HERC5: variants seen among roughly 807,000 people sequenced by gnomAD.
HERC5 encodes the protein HECT and RLD domain containing E3 ubiquitin protein ligase 5.
Under a neutral mutation model 119.6 loss-of-function variants are expected in HERC5, and 99 were observed. The observed-to-expected ratio is 0.83, with a 90% CI of 0.70 to 0.98. The LOEUF (loss-of-function observed/expected upper bound fraction) is 0.98. Ranked by LOEUF, HERC5 falls within the 50% of genes least tolerant of loss-of-function variation. HERC5 has a pLI of 0.00. For missense variants in HERC5, 1,267 were observed against 1,241.3 expected (o/e 1.02, Z -0.31); for synonymous variants, 478 against 445.9 (o/e 1.07, Z -0.91).
At chr4:88,464,484 T>A (rs1489633656) in intron 6 of HERC5, among the ~76,000 whole-genome samples, 2 of 152,150 alleles carry the variant, frequency 1.3e-5, no homozygotes, top group African/African-American at 4.8e-5. Context: ...AGTTTAATTT[T>A]CACAGCTCCT....
intron 18 of HERC5, among the ~76,000 whole-genome samples, chr4:88,497,992 G>A (rs1417166665): frequency 6.6e-6 from 1 of 152,188 alleles, no homozygotes; most frequent in Non-Finnish European, 1.5e-5. Flanking sequence ...TTGCATTCTG[G>A]CACAGTGCTC....
intron 4 of HERC5, among the ~76,000 whole-genome samples, chr4:88,462,789 TCA>T (rs1368853698): frequency 6.6e-6 from 1 of 152,238 alleles, no homozygotes; most frequent in Non-Finnish European, 1.5e-5. Flanking sequence ...ATTTAAGAAC[TCA>T]CATATCCTGA....
At chr4:88,466,968 G>A (rs1740689945) in intron 6 of HERC5, 91 bp from the exon 7 acceptor site, 3 of 1,240,552 alleles carry the variant, frequency 2.4e-6, no homozygotes, top group Admixed American at 3.7e-5. Context: ...ACTCTCACTG[G>A]GTAACATAGT....
chr4:88,498,544 C>T (rs1184720426), intron 18 of HERC5, among the ~76,000 whole-genome samples: 2 of 152,124 alleles, frequency 1.3e-5, no homozygotes, highest in Non-Finnish European at 2.9e-5. Context: ...GAATGTCTAT[C>T]CTATGCCTGT....
intron 13 of HERC5, among the ~76,000 whole-genome samples, chr4:88,481,792 G>T (rs1483206113): frequency 6.6e-6 from 1 of 152,134 alleles, no homozygotes; most frequent in South Asian, 2.1e-4. Context: ...ATAACAGAGG[G>T]CTAGATTAGG....
At chr4:88,497,969 A>T (rs1664128858) in intron 18 of HERC5, among the ~76,000 whole-genome samples, 1 of 152,144 alleles carries the variant, frequency 6.6e-6, no homozygotes, top group Admixed American at 6.5e-5. Context: ...GCGCTGCCTC[A>T]AGTCCCTACT....
chr4:88,483,666 A>T (rs1049467910), intron 13 of HERC5, among the ~76,000 whole-genome samples: 1 of 151,784 alleles, frequency 6.6e-6, no homozygotes, highest in Non-Finnish European at 1.5e-5. Flanking sequence ...GTAGCCAGGA[A>T]TATAGGCACA....
intron 10 of HERC5, 25 bp from the exon 11 acceptor site, chr4:88,472,384 T>C: frequency 7.4e-7 from 1 of 1,351,242 alleles, no homozygotes; most frequent in Non-Finnish European, 1.0e-6. Context: ...TCTAACAAAA[T>C]ACTTAATTTA....
At chr4:88,486,982 AACCAT>A in intron 14 of HERC5, 82 bp from the exon 15 acceptor site, 1 of 820,228 alleles carries the variant, frequency 1.2e-6, no homozygotes, top group Non-Finnish European at 1.9e-6. Flanking sequence ...TGAGACCTTA[AACCAT>A]CAGGGATGTA....
intron 2 of HERC5, among the ~76,000 whole-genome samples, chr4:88,459,882 T>G (rs1740355258): frequency 6.6e-6 from 1 of 152,208 alleles, no homozygotes; most frequent in African/African-American, 2.4e-5. Flanking sequence ...CTAAAATTGT[T>G]TGCATAATAT....
At chr4:88,498,086 A>C (rs1245328255) in intron 18 of HERC5, among the ~76,000 whole-genome samples, 2 of 152,208 alleles carry the variant, frequency 1.3e-5, no homozygotes, top group African/African-American at 4.8e-5. Flanking sequence ...CACAGAGTGC[A>C]CAAGCTGTGG....
At chr4:88,475,365 C>T (rs1397087179) in intron 11 of HERC5, among the ~76,000 whole-genome samples, 1 of 143,668 alleles carries the variant, frequency 7.0e-6, no homozygotes, top group Non-Finnish European at 1.5e-5. Flanking sequence ...TGCTCTGTGC[C>T]TGGAGTGCAG....
Position 88,493,168 on chromosome 4 carries a change from TTC to T in HERC5, c.2277+15_2277+16del. On this transcript the variant is annotated intron_variant, in intron 17 of 22. Coordinates refer to ENST00000264350, the MANE Select transcript of HERC5 (RefSeq NM_016323.4). ...GTTTCCTGTCAAGGTAAGTTCCCTC[TTC>T]TTTGCTTAAGGTATTTTGCGACAGA... 6.3e-7 allele frequency: 1 copy of T among 1,589,812 alleles called. No homozygotes were observed. Among genetic ancestry groups the T allele is most frequent in the Non-Finnish European group, 8.6e-7 (1 of 1,159,072 alleles).
intron 6 of HERC5, 127 bp from the exon 7 acceptor site, chr4:88,466,932 T>G (rs1740688155): frequency 2.1e-6 from 2 of 935,176 alleles, no homozygotes; most frequent in Non-Finnish European, 3.2e-6. Context: ...CAGATGATTT[T>G]CATCCTCTAA....
intron 11 of HERC5, 140 bp downstream of exon 11, chr4:88,472,642 A>G: frequency 3.0e-6 from 2 of 665,020 alleles, no homozygotes; most frequent in Non-Finnish European, 5.4e-6. Flanking sequence ...AACTCAGATA[A>G]CATTTAGGAG....
At chr4:88,467,487 GACTT>G (rs1305389262) in intron 7 of HERC5, among the ~76,000 whole-genome samples, 1 of 152,218 alleles carries the variant, frequency 6.6e-6, no homozygotes, top group Admixed American at 6.5e-5. Context: ...GTTTGCAAGA[GACTT>G]ACTAATTCTT....
At chr4:88,488,171 A>G (rs1486006957) in intron 15 of HERC5, among the ~76,000 whole-genome samples, 2 of 152,028 alleles carry the variant, frequency 1.3e-5, no homozygotes, top group Non-Finnish European at 2.9e-5. Context: ...GGTTCCAGAG[A>G]TAATTTCGTA....
chr4:88,464,675 G>A (rs1353618828), intron 6 of HERC5, among the ~76,000 whole-genome samples: 1 of 151,720 alleles, frequency 6.6e-6, no homozygotes, highest in East Asian at 1.9e-4. Context: ...TGCAACCTCC[G>A]CCTCCCAGGC....
intron 18 of HERC5, among the ~76,000 whole-genome samples, 177 bp downstream of exon 18, chr4:88,494,508 T>C (rs551674152): frequency 2.6e-5 from 4 of 152,232 alleles, no homozygotes; most frequent in Non-Finnish European, 5.9e-5. Flanking sequence ...AATTAGGAAG[T>C]GTTGATTATT....
Sources: allele counts gnomAD v4.1 joint callset (sites outside exome capture counted in the v4.1 genomes callset), GRCh38; gene constraint gnomAD v4.1.1; transcripts MANE v1.5; gene names NCBI Gene and HGNC (gene_info 2026-07-23, HGNC 2026-07-21).